The following SHANK2 variants were observed in gnomAD, a reference collection of about 807,000 sequenced individuals.
SHANK2 encodes the protein SH3 and multiple ankyrin repeat domains 2.
Under a neutral mutation model 133.7 loss-of-function variants are expected in SHANK2, and 43 were observed. The observed-to-expected ratio is 0.32, with a 90% CI of 0.25 to 0.41. SHANK2 has a LOEUF of 0.41. SHANK2 is among the 10% of genes least tolerant of loss of function. The pLI, the probability that SHANK2 is intolerant of heterozygous loss-of-function variation, is 1.00. For synonymous variants in SHANK2, 1,017 were observed against 952.8 expected (o/e 1.07, Z -1.24); for missense variants, 1,994 against 2,235.8 (o/e 0.89, Z 2.18).
intron 17 of SHANK2, among the ~76,000 whole-genome samples, chr11:70,524,567 G>A (rs562849425): frequency 6.6e-6 from 1 of 152,320 alleles, no homozygotes; most frequent in Non-Finnish European, 1.5e-5. Flanking sequence ...TGCACAGCCC[G>A]TCCTCAGGCT....
At chr11:70,578,250 C>T (rs755610) in intron 17 of SHANK2, among the ~76,000 whole-genome samples, 73,014 of 147,726 alleles carry the variant, frequency 0.49, 18,077 homozygotes, top group African/African-American at 0.61. Context: ...GCCTGCAGGG[C>T]ACACTGTACT....
At chr11:70,768,611 C>T (rs1555041949) in intron 14 of SHANK2, among the ~76,000 whole-genome samples, 1 of 152,210 alleles carries the variant, frequency 6.6e-6, no homozygotes, top group Non-Finnish European at 1.5e-5. Context: ...GTGGGGCACA[C>T]ACCACAGCCT....
rs577965833 is a variant in SHANK2 at position 70,783,789 on chromosome 11, C to G, written c.1777+14654G>C. On this transcript the variant is annotated intron_variant, in intron 14 of 25. Coordinates refer to ENST00000601538, the MANE Select transcript of SHANK2 (RefSeq NM_012309.5). ...TGTGAACCTCTCTGTATGCTTGTTA[C>G]GCGCCACACAGAAAAATTAAAAATA... Among the ~76,000 whole-genome samples the G allele has an allele frequency of 2.0e-5, 3 of 152,252 alleles. No individual in the cohort carries two copies. In the South Asian group the frequency reaches 6.2e-4, roughly 32 times the overall value.
chr11:70,932,215 C>T (rs184933034), intron 10 of SHANK2, among the ~76,000 whole-genome samples: 5 of 152,298 alleles, frequency 3.3e-5, no homozygotes, highest in African/African-American at 9.6e-5. Flanking sequence ...TCTGAACAGC[C>T]GAAACAAAGT....
intron 10 of SHANK2, among the ~76,000 whole-genome samples, chr11:70,928,270 G>A (rs1163808395): frequency 6.6e-6 from 1 of 151,652 alleles, no homozygotes; most frequent in African/African-American, 2.4e-5. Context: ...TTCCAAAGGT[G>A]TCTAGAAGGG....
At chr11:70,476,358 G>A (rs1283790437) in intron 25 of SHANK2, among the ~76,000 whole-genome samples, 1 of 151,966 alleles carries the variant, frequency 6.6e-6, no homozygotes, top group Non-Finnish European at 1.5e-5. Context: ...CAAGAGAGAG[G>A]TGGCCTATGG....
intron 17 of SHANK2, among the ~76,000 whole-genome samples, chr11:70,643,335 G>A (rs897030489): frequency 4.6e-5 from 7 of 152,088 alleles, no homozygotes; most frequent in Admixed American, 1.3e-4. Context: ...AGGCCGAGGC[G>A]GGCGGATCAC....
chr11:71,215,410 G>A (rs958064174), intron 2 of SHANK2, among the ~76,000 whole-genome samples: 1 of 152,156 alleles, frequency 6.6e-6, no homozygotes, highest in African/African-American at 2.4e-5. Flanking sequence ...AGCAGGTTCT[G>A]CCCTGGTCAC....
chr11:71,191,709 C>A (rs1479279851), intron 2 of SHANK2, among the ~76,000 whole-genome samples: 1 of 151,844 alleles, frequency 6.6e-6, no homozygotes, highest in Non-Finnish European at 1.5e-5. Flanking sequence ...CAGACATGCA[C>A]CACTACGCCT....
At chr11:70,684,942 A>G (rs529211164) in intron 15 of SHANK2, among the ~76,000 whole-genome samples, 2 of 152,278 alleles carry the variant, frequency 1.3e-5, no homozygotes, top group Admixed American at 1.3e-4. Flanking sequence ...GAAAAGAGGC[A>G]GGACAATTAC....
chr11:70,859,987 C>T (rs376700225), intron 11 of SHANK2, among the ~76,000 whole-genome samples: 15 of 152,186 alleles, frequency 9.9e-5, no homozygotes, highest in Non-Finnish European at 1.5e-4. Context: ...AACCCCACAG[C>T]GCCCAGGCTT....
intron 9 of SHANK2, among the ~76,000 whole-genome samples, chr11:71,074,261 A>C (rs1951189794): frequency 1.3e-5 from 2 of 152,318 alleles, no homozygotes; most frequent in Middle Eastern, 6.8e-3. Flanking sequence ...TTACCCGTTT[A>C]AACCCAAAGA....
intron 17 of SHANK2, among the ~76,000 whole-genome samples, chr11:70,534,265 G>A (rs1189923864): frequency 1.3e-5 from 2 of 152,208 alleles, no homozygotes; most frequent in African/African-American, 4.8e-5. Context: ...CATGGCGGCA[G>A]GAGAGAGAAA....
intron 10 of SHANK2, among the ~76,000 whole-genome samples, chr11:70,912,899 C>T (rs1235489587): frequency 2.0e-5 from 3 of 152,012 alleles, no homozygotes; most frequent in African/African-American, 4.8e-5. Flanking sequence ...TGTGTCACAT[C>T]GGGGAACAAT....
intron 14 of SHANK2, among the ~76,000 whole-genome samples, chr11:70,710,742 G>C (rs782654939): frequency 6.6e-6 from 1 of 152,156 alleles, no homozygotes; most frequent in Non-Finnish European, 1.5e-5. Flanking sequence ...ACTCCTCCCC[G>C]AGCCTGCAGC....
intron 14 of SHANK2, among the ~76,000 whole-genome samples, chr11:70,751,282 A>G (rs1946744486): frequency 6.6e-6 from 1 of 152,256 alleles, no homozygotes; most frequent in Non-Finnish European, 1.5e-5. Context: ...GAAAGCAGCT[A>G]GAGAAAAATG....
chr11:70,593,825 C>G (rs909826024), intron 17 of SHANK2, among the ~76,000 whole-genome samples: 4 of 152,058 alleles, frequency 2.6e-5, no homozygotes, highest in Admixed American at 6.5e-5. Context: ...TCATTAGTTC[C>G]TTCGTTCGTT....
At chr11:70,682,035 G>C (rs1945039648) in intron 15 of SHANK2, among the ~76,000 whole-genome samples, 1 of 151,584 alleles carries the variant, frequency 6.6e-6, no homozygotes, top group South Asian at 2.1e-4. Flanking sequence ...ACAGGAGTTC[G>C]ACAACCTGGA....
chr11:70,876,792 A>G (rs1382131873), intron 11 of SHANK2, among the ~76,000 whole-genome samples: 2 of 152,110 alleles, frequency 1.3e-5, no homozygotes, highest in Non-Finnish European at 2.9e-5. Context: ...GTCTCGTGAA[A>G]TGCTCTGAGC....
Sources: gnomAD v4.1 joint callset for allele counts (sites outside exome capture counted in the v4.1 genomes callset) on GRCh38, gnomAD v4.1.1 for gene constraint, MANE v1.5 for transcripts, NCBI Gene and HGNC (gene_info 2026-07-23, HGNC 2026-07-21) for gene names.